Variants in HMCN2 observed in about 807,000 individuals in gnomAD.
HMCN2 encodes hemicentin-2.
Under a neutral mutation model 377.5 loss-of-function variants are expected in HMCN2, and 325 were observed. The ratio of observed to expected loss-of-function variants is 0.86; its 90% CI spans 0.79 to 0.94. HMCN2 has a LOEUF of 0.94. HMCN2 is among the 40% of genes least tolerant of loss of function. HMCN2 has a pLI of 0.00. For missense variants in HMCN2, 4,543 were observed against 4,725.3 expected, an observed-to-expected ratio of 0.96 and a Z score of 1.13; for synonymous variants, 2,007 against 2,046.8, an observed-to-expected ratio of 0.98 and a Z score of 0.53.
chr9:130,403,752 C>T lies in HMCN2; in HGVS notation c.12025C>T (p.Gln4009Ter), dbSNP rs1453077071. ...TCTTCCTCGTTCAGGAGTGAGTACC[C>T]AGGTCCTACCAGGCGGACAGCTGCG... ...GLNVATGVST[Q>*]VLPGGQLRIA... Residue 4009 changes from glutamine to a stop codon, truncating the protein, a stop_gained, in exon 80 of 98, where the codon CAG becomes TAG. Transcript: ENST00000683500. LOFTEE classifies it high-confidence loss of function. 1.6e-6 allele frequency: 2 copies of T among 1,289,806 alleles called. No individual in the cohort carries two copies. The highest frequency in any genetic ancestry group is 1.2e-5 in the South Asian group (1 of 81,028). 79.9% of individuals were successfully genotyped at this position (1,289,806 alleles called of 1,614,324 possible).
intron 97 of HMCN2, 155 bp downstream of exon 97, chr9:130,432,710 G>A: frequency 1.3e-6 from 1 of 751,976 alleles, no homozygotes; most frequent in Non-Finnish European, 2.1e-6. Flanking sequence ...CAGAGTGGGA[G>A]AGAACGGGGA....
chr9:130,322,762 GCT>G (rs1309847600), intron 19 of HMCN2, among the ~76,000 whole-genome samples: 1 of 152,166 alleles, frequency 6.6e-6, no homozygotes, highest in Non-Finnish European at 1.5e-5. Flanking sequence ...TTGCCCAACT[GCT>G]CTCCTGCCCA....
intron 85 of HMCN2, among the ~76,000 whole-genome samples, chr9:130,413,817 G>GA (rs1023642998): frequency 1.7e-4 from 26 of 152,090 alleles, no homozygotes; most frequent in Admixed American, 3.3e-4. Flanking sequence ...AAAGGACTAG[G>GA]AAAGGGACAG....
rs1844750726 is a variant in HMCN2, at chr9:130,431,445, C to T, written c.14726C>T (p.Pro4909Leu). The T allele has an allele frequency of 1.3e-6, 2 of 1,550,042 alleles. No homozygotes were observed. The highest frequency in any genetic ancestry group is 1.4e-5 in the African/African-American group (1 of 73,054). Residue 4909 changes from proline (P) to leucine (L), a missense_variant, in exon 96 of 98, where the codon CCC becomes CTC. Around this residue, in one of 5 missense-constraint regions of HMCN2, gnomAD observed 1,155 missense variants for 1,157.7 expected, o/e 1.00. Coordinates refer to ENST00000683500, the MANE Select transcript of HMCN2 (RefSeq NM_001291815.2). ...NTEGSYQCLC[P>L]AGYRLLPSGK... is the part of the protein sequence containing the mutation. ...GAGGGCAGCTACCAGTGCCTGTGCC[C>T]CGCCGGCTACCGTCTGCTCCCCAGC... is the stretch of plus-strand genomic sequence containing the variant.
Position 130,384,700 on chromosome 9 carries a change from A to AGCAG in HMCN2, c.9010_9011insAGGC (p.Leu3004GlnfsTer68). The AGCAG allele has an allele frequency of 7.7e-7, 1 of 1,302,572 alleles. No individual in the cohort carries two copies. The highest frequency in any genetic ancestry group is 5.5e-5 in the East Asian group (1 of 18,024). The allele number at this position is 1,302,572 out of a possible 1,614,324, so 80.7% of individuals were successfully genotyped here. ...CCCCCGGCAGGCACCCACACGCTGC[A>AGCAG]GCTGGGGAGAGCACGGCTGTCGGAC... On this transcript the variant is annotated frameshift_variant, in exon 59 of 98. Coordinates refer to ENST00000683500, the MANE Select transcript of HMCN2 (RefSeq NM_001291815.2). LOFTEE classifies it high-confidence loss of function.
intron 46 of HMCN2, among the ~76,000 whole-genome samples, chr9:130,371,613 A>T (rs1171983129): frequency 6.6e-6 from 1 of 152,222 alleles, no homozygotes; most frequent in Non-Finnish European, 1.5e-5. Flanking sequence ...CAAGGACTTC[A>T]AGGCCCCTGA....
At chr9:130,323,253 G>A (rs1026232734) in intron 19 of HMCN2, among the ~76,000 whole-genome samples, 6 of 152,166 alleles carry the variant, frequency 3.9e-5, no homozygotes, top group Admixed American at 3.9e-4. Flanking sequence ...TGGGAGTCCA[G>A]AAGTCCATTT....
At chr9:130,408,663 G>T (rs569175021) in intron 83 of HMCN2, 80 bp from the exon 84 acceptor site, 8 of 1,057,244 alleles carry the variant, frequency 7.6e-6, no homozygotes, top group Non-Finnish European at 1.0e-5. Flanking sequence ...CAGGAGTTGG[G>T]CAGTCCTTTG....
At chr9:130,356,882 A>G (rs1840051272) in intron 34 of HMCN2, among the ~76,000 whole-genome samples, 2 of 152,172 alleles carry the variant, frequency 1.3e-5, no homozygotes, top group South Asian at 2.1e-4. Flanking sequence ...ATAAGGATGC[A>G]TGGATAGATC....
At chr9:130,281,231 C>T (rs957555058) in intron 1 of HMCN2, among the ~76,000 whole-genome samples, 4 of 150,190 alleles carry the variant, frequency 2.7e-5, no homozygotes, top group Non-Finnish European at 5.9e-5. Flanking sequence ...TGAGGTCATC[C>T]GGACCTGGGC....
intron 1 of HMCN2, among the ~76,000 whole-genome samples, chr9:130,283,291 T>G (rs920691782): frequency 6.6e-6 from 1 of 152,000 alleles, no homozygotes; most frequent in Non-Finnish European, 1.5e-5. Context: ...TCTTTGTTAG[T>G]GAACATTTCA....
rs1413006917 is a variant in HMCN2 at position 130,393,459 on chromosome 9, G to A, written c.10234+150G>A. ...ACTGCGGCTCAGTCTCTGACTCACT[G>A]TATTGCTCGTTTGTACCTCACAAGT... On this transcript the variant is annotated intron_variant, in intron 67 of 97. Coordinates refer to ENST00000683500, the MANE Select transcript of HMCN2 (RefSeq NM_001291815.2). This position sits in a 1 kb window ranked among gnomAD's most constrained non-coding sequence, Gnocchi z 5.2. 6.2e-6 allele frequency: 3 copies of A among 480,466 alleles called. No individual in the cohort carries two copies. Among genetic ancestry groups the A allele is most frequent in the Non-Finnish European group, 8.6e-6 (3 of 346,894 alleles). 29.8% of individuals were successfully genotyped at this position (480,466 alleles called of 1,614,324 possible). A position where few individuals can be genotyped will look rare whatever the true frequency, so the allele number is the denominator to read the frequency against.
Position 130,303,876 on chromosome 9 carries a change from G to A in HMCN2, c.1543+268G>A, listed in dbSNP as rs1450973810. Among the ~76,000 whole-genome samples, 3 of 152,164 alleles carry A rather than the reference G, an allele frequency of 2.0e-5. No homozygotes were observed. Among genetic ancestry groups the A allele is most frequent in the Admixed American group, 1.3e-4 (2 of 15,286 alleles). On this transcript the variant is annotated intron_variant, in intron 10 of 97. Coordinates refer to ENST00000683500, the MANE Select transcript of HMCN2 (RefSeq NM_001291815.2). The surrounding 1 kb of genome is among the most constrained non-coding windows in gnomAD (Gnocchi z 5.2). ...GCTTTGATCCCAACTCTGACTTCTCGGGGCTCGGCTTTCAGGGGCCGCCAT... is the reference window on the plus strand; with the variant it reads ...GCTTTGATCCCAACTCTGACTTCTCAGGGCTCGGCTTTCAGGGGCCGCCAT...
rs1158120062 is a variant in HMCN2, at chr9:130,273,245, A to G, written c.259+7108A>G. Among the ~76,000 whole-genome samples the G allele has an allele frequency of 2.1e-4, 32 of 151,798 alleles. 1 individual carries two copies. The highest frequency in any genetic ancestry group is 2.1e-3 in the Admixed American group (32 of 15,228). ...TTTTTTACAAATGAGTATTGCTAGT[A>G]TGTTGGAAAGGAATTCATTTCATAT... On this transcript the variant is annotated intron_variant, in intron 1 of 97. Transcript: ENST00000683500.
intron 25 of HMCN2, among the ~76,000 whole-genome samples, chr9:130,345,629 G>A (rs995673982): frequency 4.4e-4 from 66 of 151,534 alleles, no homozygotes; most frequent in African/African-American, 1.5e-3. Flanking sequence ...TGTGTGTATC[G>A]TGTTGTGTGT....
intron 7 of HMCN2, among the ~76,000 whole-genome samples, chr9:130,297,264 G>A (rs943705747): frequency 3.3e-5 from 5 of 152,184 alleles, no homozygotes; most frequent in African/African-American, 1.2e-4. Flanking sequence ...AATGTCCTGG[G>A]GGACATTTGG....
intron 75 of HMCN2, among the ~76,000 whole-genome samples, chr9:130,399,053 G>A (rs576200289): frequency 1.6e-4 from 24 of 152,178 alleles, no homozygotes; most frequent in African/African-American, 4.3e-4. Flanking sequence ...AGGAGTTCAA[G>A]ACCAGACTGG....
chr9:130,318,387 A>T (rs1262551627), intron 15 of HMCN2, among the ~76,000 whole-genome samples: 3 of 151,274 alleles, frequency 2.0e-5, no homozygotes, highest in Admixed American at 6.6e-5. Flanking sequence ...GGGGCCTGGG[A>T]CAAGGACCTG....
intron 60 of HMCN2, among the ~76,000 whole-genome samples, 191 bp from the exon 61 acceptor site, chr9:130,386,252 G>A (rs35565324): frequency 0.12 from 17,524 of 152,210 alleles, 1,089 homozygotes; most frequent in African/African-American, 0.16. Flanking sequence ...TCACTGTTGA[G>A]GGGCCCTTCT....
Sources: gnomAD v4.1 joint callset for allele counts (sites outside exome capture counted in the v4.1 genomes callset) on GRCh38, gnomAD v4.1.1 for gene constraint, gnomAD v4.1.1 regional missense constraint, Gnocchi (gnomAD v3.1) non-coding constraint, MANE v1.5 for transcripts, NCBI Gene and HGNC (gene_info 2026-07-23, HGNC 2026-07-21) for gene names.